Variants in PCSK1 observed in about 807,000 individuals in gnomAD.
PCSK1 encodes the protein neuroendocrine convertase 1.
In PCSK1, 56 loss-of-function variants were observed where a neutral mutation model predicts 90.6. The ratio of observed to expected loss-of-function variants is 0.62; its 90% CI spans 0.50 to 0.77. PCSK1 has a LOEUF of 0.77. Among genes scored for constraint, PCSK1 ranks in the 30% least tolerant of loss-of-function variants. The probability of loss-of-function intolerance (pLI) is 0.00; values close to 1 mark genes in which losing one functional copy is unlikely to be tolerated. For synonymous variants in PCSK1, 348 were observed against 342.4 expected, an observed-to-expected ratio of 1.02 and a Z score of -0.18; for missense variants, 801 against 932.6, an observed-to-expected ratio of 0.86 and a Z score of 1.84.
At position 96,412,523 on chromosome 5, in the gene PCSK1, G is replaced by A. The variant is rs762603020; in HGVS notation, c.710-33C>T. 5.7e-6 allele frequency: 9 copies of A among 1,582,908 alleles called. No homozygotes were observed. The African/African-American group carries it at 9.4e-5, about 17-fold the overall frequency. On this transcript the variant is annotated intron_variant, in intron 6 of 13. Coordinates refer to ENST00000311106, the MANE Select transcript of PCSK1 (RefSeq NM_000439.5). ...ACAAAATAAACAAAGACACACAAAG[G>A]TTGATGTCAGTATGTACATGGACAA...
At position 96,411,844 on chromosome 5, in the gene PCSK1, C is replaced by G. The variant is rs1341133327; in HGVS notation, c.882+474G>C. ...TTTAGTTTTGAGGCAGGGTCTCACT[C>G]TGTCACCCAGGCTGGAGTGCAATGC... is the stretch of plus-strand genomic sequence containing the variant. On this transcript the variant is annotated intron_variant, in intron 7 of 13. Transcript: ENST00000311106. Among the ~76,000 whole-genome samples, 3 of 152,220 alleles carry G rather than the reference C, an allele frequency of 2.0e-5. No homozygotes were observed. In the East Asian group the frequency reaches 5.8e-4, roughly 29 times the overall value.
Position 96,400,195 on chromosome 5 carries a change from G to T in PCSK1, c.1197-9C>A. The T allele has an allele frequency of 6.3e-7, 1 of 1,592,344 alleles. No individual in the cohort carries two copies. Among genetic ancestry groups the T allele is most frequent in the Non-Finnish European group, 8.6e-7 (1 of 1,160,074 alleles). ...GCCAGGTGAGATTTGGGCTGGAGGG[G>T]AAGTGACCCAAAGTGTCTTTCAGAG... On this transcript the variant is annotated splice_polypyrimidine_tract_variant and intron_variant, in intron 9 of 13. Transcript: ENST00000311106.
In PCSK1 at chr5:96,397,462, G is replaced by A; in HGVS notation, c.1596C>T (p.Ser532=). The A allele has an allele frequency of 6.2e-7, 1 of 1,612,700 alleles. No homozygotes were observed. The highest frequency in any genetic ancestry group is 8.5e-7 in the Non-Finnish European group (1 of 1,178,784). ...HVTLTSAAGT[S]TVLLAERERD... Reference sequence around the variant, plus strand: ...GTTCTCTTTCAGCCAAGAGCACAGTGCTAGTTCCTATGAAACAAATACAAG... The same window carrying A: ...GTTCTCTTTCAGCCAAGAGCACAGTACTAGTTCCTATGAAACAAATACAAG... The change falls in exon 12 of 14, where the codon AGC becomes AGT. Residue 532 remains serine (S), a synonymous_variant. Coordinates refer to ENST00000311106, the MANE Select transcript of PCSK1 (RefSeq NM_000439.5).
At chr5:96,402,797 A>T (rs1760427422) in intron 9 of PCSK1, among the ~76,000 whole-genome samples, 2 of 152,096 alleles carry the variant, frequency 1.3e-5, no homozygotes, top group Admixed American at 6.5e-5. Context: ...CCCGACAAAC[A>T]TACCACTTTA....
chr5:96,408,501 T>C (rs1760647255), intron 8 of PCSK1, among the ~76,000 whole-genome samples, 178 bp from the exon 9 acceptor site: 1 of 152,190 alleles, frequency 6.6e-6, no homozygotes, highest in South Asian at 2.1e-4. Flanking sequence ...GATATTTTAG[T>C]TCACCCTCTA....
At chr5:96,398,727 C>A in intron 11 of PCSK1, 152 bp downstream of exon 11, 1 of 703,532 alleles carries the variant, frequency 1.4e-6, no homozygotes. Flanking sequence ...GGAGATCTAA[C>A]ACCAAGAAAA....
rs754688718 is a variant in PCSK1 at position 96,395,016 on chromosome 5, T to C, written c.1732A>G (p.Ile578Val). 1 of 1,613,082 alleles carries C rather than the reference T, an allele frequency of 6.2e-7. No homozygotes were observed. Among genetic ancestry groups the C allele is most frequent in the Admixed American group, 1.7e-5 (1 of 60,026 alleles). ...TLRITDMSGR[I>V]QNEGRIVNWK... ...TTCACAATTCTTCCTTCATTTTGAA[T>C]TCTTCCAGACTAACAAATAAGCATA... Residue 578 changes from isoleucine (I) to valine (V), a missense_variant, in exon 13 of 14, where the codon ATT (isoleucine) becomes GTT (valine). Ile to Val is a conservative substitution (Grantham distance 29). Transcript: ENST00000311106.
chr5:96,399,119 G>T, intron 10 of PCSK1, 83 bp from the exon 11 acceptor site: 1 of 979,706 alleles, frequency 1.0e-6, no homozygotes, highest in Non-Finnish European at 1.6e-6. Context: ...CATCAATCTT[G>T]ACTAGATGCT....
intron 9 of PCSK1, among the ~76,000 whole-genome samples, chr5:96,401,812 A>G (rs1760385954): frequency 6.6e-6 from 1 of 152,112 alleles, no homozygotes; most frequent in South Asian, 2.1e-4. Flanking sequence ...TTGTTCTCTG[A>G]TGTGTAGCAC....
intron 9 of PCSK1, among the ~76,000 whole-genome samples, chr5:96,400,494 T>C (rs1446959237): frequency 6.6e-6 from 1 of 152,186 alleles, no homozygotes; most frequent in African/African-American, 2.4e-5. Context: ...TCTAATTGCT[T>C]CCATTTAACT....
At position 96,392,163 on chromosome 5, in the gene PCSK1, C is replaced by T. The variant is rs1309065519; in HGVS notation, c.*838G>A. On this transcript the variant is annotated 3_prime_UTR_variant, in exon 14 of 14. Transcript: ENST00000311106. ...AATTGTGACTAGGAATTTGCCAAGT[C>T]CCAAGTGTAAGTTTTTTTTTTTCTG... The T allele has an allele frequency of 6.9e-6, 1 of 145,742 alleles. No individual in the cohort carries two copies. The highest frequency in any genetic ancestry group is 1.5e-5 in the Non-Finnish European group (1 of 66,056). The allele number at this position is 145,742 out of a possible 1,614,324, so 9.0% of individuals were successfully genotyped here. A position where few individuals can be genotyped will look rare whatever the true frequency, so the allele number is the denominator to read the frequency against.
At chr5:96,411,240 G>A (rs1760744579) in intron 7 of PCSK1, among the ~76,000 whole-genome samples, 1 of 152,216 alleles carries the variant, frequency 6.6e-6, no homozygotes, top group African/African-American at 2.4e-5. Context: ...TCTTTCTTAT[G>A]CAGATTCATA....
In PCSK1 at chr5:96,410,856, C is replaced by A. The variant is rs771947876; in HGVS notation, c.1013G>T (p.Gly338Val). The A allele has an allele frequency of 6.8e-6, 11 of 1,614,056 alleles. No homozygotes were observed. Among genetic ancestry groups the A allele is most frequent in the Non-Finnish European group, 8.5e-6 (10 of 1,179,940 alleles). Residue 338 changes from glycine (G) to valine (V), a missense_variant, in exon 8 of 14, where the codon GGC becomes GTC. Coordinates refer to ENST00000311106, the MANE Select transcript of PCSK1 (RefSeq NM_000439.5). ...TISISSASQQ[G>V]LSPWYAEKCS... ...CTTCTCAGCGTACCAGGGGGATAGG[C>A]CTTGCTGGGAGGCACTGCTGATGGA...
chr5:96,405,682 G>T lies in PCSK1; in HGVS notation c.1196+2541C>A, dbSNP rs2012938. On this transcript the variant is annotated intron_variant, in intron 9 of 13. Transcript: ENST00000311106. ...TGAGACACTGTCTCCAAAAGAAAAA[G>T]AAAAGGAAAGGATTATTTTCTGTAT... Among the ~76,000 whole-genome samples, 329 of 152,210 alleles carry T rather than the reference G, an allele frequency of 2.2e-3. 4 individuals carry two copies. The South Asian group carries it at 0.034, about 16-fold the overall frequency.
At chr5:96,410,597 C>G (rs569625594) in intron 8 of PCSK1, among the ~76,000 whole-genome samples, 177 bp downstream of exon 8, 1 of 152,018 alleles carries the variant, frequency 6.6e-6, no homozygotes, top group Non-Finnish European at 1.5e-5. Flanking sequence ...GTCATTATCC[C>G]TGGAGAGAAA....
chr5:96,395,103 A>T, intron 12 of PCSK1, 78 bp from the exon 13 acceptor site: 3 of 1,121,458 alleles, frequency 2.7e-6, no homozygotes, highest in Admixed American at 1.7e-5. Context: ...GCTAAAAAGG[A>T]TTTCATTGTT....
intron 8 of PCSK1, 40 bp from the exon 9 acceptor site, chr5:96,408,363 C>G (rs377130613): frequency 6.9e-6 from 10 of 1,446,254 alleles, no homozygotes; most frequent in Non-Finnish European, 8.7e-6. Context: ...AGGGAGAACA[C>G]GTGAGGAGTG....
In PCSK1 at chr5:96,431,024, C is replaced by A. The variant is rs572542625; in HGVS notation, c.181-1707G>T. The stretch of plus-strand genomic sequence containing the variant: ...GAGAGATTTAGTTTTTGCTGTCTTC[C>A]CCAGTCTCCTCCTACACGGTTACCA... On this transcript the variant is annotated intron_variant, in intron 1 of 13. Coordinates refer to ENST00000311106, the MANE Select transcript of PCSK1 (RefSeq NM_000439.5). 7.2e-5 allele frequency among the ~76,000 whole-genome samples: 11 copies of A among 152,192 alleles called. No homozygotes were observed. In the South Asian group the frequency reaches 1.0e-3, roughly 14 times the overall value.
chr5:96,412,000 A>G (rs1165214567), intron 7 of PCSK1, among the ~76,000 whole-genome samples: 1 of 152,198 alleles, frequency 6.6e-6, no homozygotes, highest in African/African-American at 2.4e-5. Context: ...AGGTTGCAGA[A>G]CAGTGCAACC....
Sources: gnomAD v4.1 joint callset for allele counts (sites outside exome capture counted in the v4.1 genomes callset) on GRCh38, gnomAD v4.1.1 for gene constraint, MANE v1.5 for transcripts, NCBI Gene and HGNC (gene_info 2026-07-23, HGNC 2026-07-21) for gene names.